EXOC6B: variants seen among roughly 807,000 people sequenced by gnomAD.
The protein encoded by EXOC6B is SEC15 homolog B.
Under a neutral mutation model 113.5 loss-of-function variants are expected in EXOC6B, and 54 were observed. That is an observed-to-expected ratio of 0.48 (90% confidence interval 0.38 to 0.60). EXOC6B has a LOEUF of 0.60. Among genes scored for constraint, EXOC6B ranks in the 20% least tolerant of loss-of-function variants. The pLI, the probability that EXOC6B is intolerant of heterozygous loss-of-function variation, is 0.00. For synonymous variants in EXOC6B, 357 were observed against 339.0 expected (o/e 1.05, Z -0.58); for missense variants, 797 against 977.5 (o/e 0.82, Z 2.46).
chr2:72,381,130 T>C (rs1691654774), intron 18 of EXOC6B, among the ~76,000 whole-genome samples: 1 of 152,326 alleles, frequency 6.6e-6, no homozygotes, highest in East Asian at 1.9e-4. Context: ...TAAAAAGTAC[T>C]ATTATGACAA....
At chr2:72,520,913 A>ACCCCAATT (rs146449770) in intron 8 of EXOC6B, among the ~76,000 whole-genome samples, 1 of 152,110 alleles carries the variant, frequency 6.6e-6, no homozygotes, top group African/African-American at 2.4e-5. Flanking sequence ...CACCAGCAGT[A>ACCCCAATT]CCCCAATTCC....
chr2:72,296,612 A>G (rs1301662119), intron 20 of EXOC6B, among the ~76,000 whole-genome samples: 4 of 152,178 alleles, frequency 2.6e-5, no homozygotes, highest in African/African-American at 4.8e-5. Flanking sequence ...GGATGTATAC[A>G]TAATACACTG....
intron 1 of EXOC6B, among the ~76,000 whole-genome samples, chr2:72,789,293 C>T (rs922335081): frequency 2.6e-5 from 4 of 152,140 alleles, no homozygotes; most frequent in Non-Finnish European, 5.9e-5. Context: ...AGCTAACATA[C>T]GTGGTACATC....
intron 8 of EXOC6B, among the ~76,000 whole-genome samples, chr2:72,526,204 C>A (rs1701739467): frequency 6.6e-6 from 1 of 151,784 alleles, no homozygotes. Flanking sequence ...GAAAATGTGG[C>A]ATTTAAAAAT....
chr2:72,644,269 C>A (rs1442496899), intron 6 of EXOC6B, among the ~76,000 whole-genome samples: 1 of 152,114 alleles, frequency 6.6e-6, no homozygotes, highest in Non-Finnish European at 1.5e-5. Context: ...AAGAAATGAA[C>A]AAAGCCTCCA....
chr2:72,804,851 C>T (rs1470733037), intron 1 of EXOC6B, among the ~76,000 whole-genome samples: 2 of 152,058 alleles, frequency 1.3e-5, no homozygotes, highest in Admixed American at 6.6e-5. Flanking sequence ...CCCGCCTTGG[C>T]CTCCCAAAGT....
At chr2:72,412,110 C>A (rs1037318081) in intron 18 of EXOC6B, among the ~76,000 whole-genome samples, 28 of 151,694 alleles carry the variant, frequency 1.8e-4, no homozygotes, top group Admixed American at 1.3e-3. Flanking sequence ...AGAAAAAAAT[C>A]TGAAGAATTA....
chr2:72,317,736 T>C (rs572814572), intron 20 of EXOC6B, among the ~76,000 whole-genome samples: 55 of 152,320 alleles, frequency 3.6e-4, no homozygotes, highest in African/African-American at 1.1e-3. Flanking sequence ...CTTTTTAACA[T>C]AGCCTTGGTG....
intron 20 of EXOC6B, among the ~76,000 whole-genome samples, chr2:72,241,428 G>GA (rs1682306069): frequency 1.3e-5 from 2 of 152,100 alleles, no homozygotes; most frequent in Non-Finnish European, 2.9e-5. Flanking sequence ...AAAATGAGAA[G>GA]AAAGAAAGGA....
intron 6 of EXOC6B, among the ~76,000 whole-genome samples, chr2:72,590,864 T>C (rs534025037): frequency 1.3e-5 from 2 of 152,046 alleles, no homozygotes; most frequent in South Asian, 2.1e-4. Flanking sequence ...AAAAGAACCA[T>C]AATCTAGCTT....
intron 1 of EXOC6B, among the ~76,000 whole-genome samples, chr2:72,821,158 G>C (rs1686559786): frequency 6.6e-6 from 1 of 151,782 alleles, no homozygotes; most frequent in East Asian, 1.9e-4. Flanking sequence ...ACCAAAAAAA[G>C]AAAAGCAAAT....
At chr2:72,472,676 T>C (rs1173197799) in intron 17 of EXOC6B, among the ~76,000 whole-genome samples, 1 of 152,144 alleles carries the variant, frequency 6.6e-6, no homozygotes, top group African/African-American at 2.4e-5. Context: ...TCTTTTCATA[T>C]TTTTCTTTTC....
At chr2:72,526,588 G>A (rs563581211) in intron 8 of EXOC6B, among the ~76,000 whole-genome samples, 5 of 151,898 alleles carry the variant, frequency 3.3e-5, no homozygotes, top group South Asian at 4.1e-4. Context: ...GGGAAATCTC[G>A]TATAAATAAT....
At chr2:72,707,927 T>TTATTGAAAGGATAAAAACA (rs1358709038) in intron 6 of EXOC6B, among the ~76,000 whole-genome samples, 3 of 152,050 alleles carry the variant, frequency 2.0e-5, no homozygotes, top group Non-Finnish European at 2.9e-5. Flanking sequence ...AATAAAATAG[T>TTATTGAAAGGATAAAAACA]TATTGAAAGG....
At chr2:72,607,947 T>C (rs866646368) in intron 6 of EXOC6B, among the ~76,000 whole-genome samples, 5 of 151,972 alleles carry the variant, frequency 3.3e-5, no homozygotes, top group African/African-American at 9.7e-5. Context: ...TTAAAGAAAT[T>C]ATCAGAAAGG....
intron 6 of EXOC6B, among the ~76,000 whole-genome samples, chr2:72,617,584 G>A (rs762401031): frequency 6.6e-4 from 91 of 137,928 alleles, no homozygotes; most frequent in African/African-American, 2.1e-3. Flanking sequence ...GTGCAAAGGC[G>A]CGATCTCAGC....
At chr2:72,373,064 C>T (rs979306809) in intron 19 of EXOC6B, among the ~76,000 whole-genome samples, 2 of 136,370 alleles carry the variant, frequency 1.5e-5, no homozygotes, top group African/African-American at 5.4e-5. Flanking sequence ...TCTCGGAAGA[C>T]TTTTTTTTTT....
At chr2:72,745,710 G>C (rs944194576) in intron 1 of EXOC6B, among the ~76,000 whole-genome samples, 5 of 152,090 alleles carry the variant, frequency 3.3e-5, no homozygotes, top group African/African-American at 4.8e-5. Context: ...TCTACCAAAG[G>C]AAGAGGCAAT....
At chr2:72,200,218 A>C (rs1050759448) in intron 20 of EXOC6B, among the ~76,000 whole-genome samples, 3 of 152,152 alleles carry the variant, frequency 2.0e-5, no homozygotes, top group Non-Finnish European at 4.4e-5. Flanking sequence ...TAGACTTCTG[A>C]AATAGAAGAG....
Sources: gnomAD v4.1 joint callset for allele counts (sites outside exome capture counted in the v4.1 genomes callset) on GRCh38, gnomAD v4.1.1 for gene constraint, MANE v1.5 for transcripts, NCBI Gene and HGNC (gene_info 2026-07-23, HGNC 2026-07-21) for gene names.